Variants in GRIP1 observed in about 807,000 individuals in gnomAD.
The protein encoded by GRIP1 is glutamate receptor interacting protein 1.
A neutral mutation model predicts 129.9 loss-of-function variants in GRIP1; 45 were observed. That is an observed-to-expected ratio of 0.35 (90% CI 0.27 to 0.44). GRIP1 has a LOEUF of 0.44. Among genes scored for constraint, GRIP1 ranks in the 20% least tolerant of loss-of-function variants. The probability of loss-of-function intolerance (pLI) is 1.00; values close to 1 mark genes in which losing one functional copy is unlikely to be tolerated. For missense variants in GRIP1, 1,196 were observed against 1,396.8 expected, an observed-to-expected ratio of 0.86 and a Z score of 2.29; for synonymous variants, 530 against 520.8, an observed-to-expected ratio of 1.02 and a Z score of -0.24.
At chr12:67,063,039 T>C (rs1357537445) in intron 1 of GRIP1, among the ~76,000 whole-genome samples, 1 of 152,220 alleles carries the variant, frequency 6.6e-6, no homozygotes, top group Non-Finnish European at 1.5e-5. Context: ...GGTACTATCA[T>C]ACATTCCTCC....
At chr12:66,663,522 G>A (rs1315480918) in intron 1 of GRIP1, among the ~76,000 whole-genome samples, 1 of 152,146 alleles carries the variant, frequency 6.6e-6, no homozygotes, top group Non-Finnish European at 1.5e-5. Flanking sequence ...TGACAGAATT[G>A]ACTTGAAATG....
chr12:66,498,124 T>G (rs1195929271), intron 7 of GRIP1, among the ~76,000 whole-genome samples: 1 of 152,186 alleles, frequency 6.6e-6, no homozygotes, highest in Non-Finnish European at 1.5e-5. Context: ...CTCCCTTCGC[T>G]GACTCCCTTT....
chr12:66,867,808 T>A (rs2040231658), intron 1 of GRIP1, among the ~76,000 whole-genome samples: 1 of 152,116 alleles, frequency 6.6e-6, no homozygotes, highest in Non-Finnish European at 1.5e-5. Context: ...CAACTTTCTG[T>A]AGGGTTATGA....
intron 15 of GRIP1, among the ~76,000 whole-genome samples, chr12:66,415,712 T>C (rs1023169844): frequency 1.3e-4 from 20 of 152,048 alleles, no homozygotes; most frequent in African/African-American, 4.8e-4. Context: ...AAATGTGATA[T>C]ATATACACAC....
At chr12:66,554,593 G>C (rs1215355890) in intron 2 of GRIP1, among the ~76,000 whole-genome samples, 1 of 152,140 alleles carries the variant, frequency 6.6e-6, no homozygotes, top group Admixed American at 6.5e-5. Context: ...TGGGCCATTG[G>C]GGTTCCCATT....
chr12:66,866,911 C>T (rs61928294), intron 1 of GRIP1, among the ~76,000 whole-genome samples: 39,565 of 151,860 alleles, frequency 0.26, 5,422 homozygotes, highest in East Asian at 0.48. Flanking sequence ...AATATCATGT[C>T]GTACACAGTA....
chr12:66,413,262 A>T (rs1230303294), intron 15 of GRIP1, among the ~76,000 whole-genome samples: 1 of 152,178 alleles, frequency 6.6e-6, no homozygotes. Flanking sequence ...AGTCTCTCAG[A>T]CCACAGCACA....
At chr12:66,913,770 G>A (rs2041071728) in intron 1 of GRIP1, among the ~76,000 whole-genome samples, 1 of 152,212 alleles carries the variant, frequency 6.6e-6, no homozygotes, top group African/African-American at 2.4e-5. Context: ...GGTCAATCAA[G>A]TCATAAATCT....
chr12:66,891,349 C>T (rs2040654888), intron 1 of GRIP1, among the ~76,000 whole-genome samples: 1 of 152,118 alleles, frequency 6.6e-6, no homozygotes. Context: ...GTATCAAGAA[C>T]CTAGCAGAGC....
At chr12:67,005,527 A>T (rs2042613737) in intron 1 of GRIP1, among the ~76,000 whole-genome samples, 1 of 152,216 alleles carries the variant, frequency 6.6e-6, no homozygotes, top group South Asian at 2.1e-4. Context: ...TTTGCATAGA[A>T]ATTTTATAGT....
intron 1 of GRIP1, among the ~76,000 whole-genome samples, chr12:67,046,158 C>T (rs1347684984): frequency 6.6e-6 from 1 of 152,172 alleles, no homozygotes; most frequent in Non-Finnish European, 1.5e-5. Context: ...CCCCACTTCC[C>T]GACTGAGTTC....
chr12:66,531,241 AAAAAAAAAAAAATATATATATATATATAT>A (rs1453846318), intron 4 of GRIP1, among the ~76,000 whole-genome samples: 2 of 35,942 alleles, frequency 5.6e-5, no homozygotes, highest in South Asian at 1.2e-3. Flanking sequence ...GTCTCAAAAA[AAAAAAAAAAAAATATATATATATATATAT>A]ATATATATAT....
At chr12:67,044,757 T>C (rs936501305) in intron 1 of GRIP1, among the ~76,000 whole-genome samples, 3 of 152,152 alleles carry the variant, frequency 2.0e-5, no homozygotes, top group Non-Finnish European at 4.4e-5. Context: ...CTGTTCTACA[T>C]TAAAAAAAAT....
intron 1 of GRIP1, among the ~76,000 whole-genome samples, chr12:66,831,476 A>G (rs561378931): frequency 2.0e-5 from 3 of 152,328 alleles, no homozygotes; most frequent in East Asian, 1.9e-4. Context: ...TCCAAATGTC[A>G]TATGTTGGCC....
At chr12:66,791,501 A>T (rs1443563822) in intron 1 of GRIP1, among the ~76,000 whole-genome samples, 1 of 152,124 alleles carries the variant, frequency 6.6e-6, no homozygotes, top group Non-Finnish European at 1.5e-5. Flanking sequence ...CAGTAATGTC[A>T]GTAGCAGGAG....
At chr12:66,855,308 T>C (rs1183949267) in intron 1 of GRIP1, among the ~76,000 whole-genome samples, 1 of 152,078 alleles carries the variant, frequency 6.6e-6, no homozygotes, top group African/African-American at 2.4e-5. Flanking sequence ...CTTCAGAGTG[T>C]TATAGCTGGA....
intron 20 of GRIP1, among the ~76,000 whole-genome samples, chr12:66,378,607 C>A (rs536872719): frequency 6.6e-6 from 1 of 151,238 alleles, no homozygotes; most frequent in Non-Finnish European, 1.5e-5. Flanking sequence ...ATTAGCCAGG[C>A]GTGGTGGTGC....
At chr12:66,550,746 G>A (rs2062098343) in intron 2 of GRIP1, among the ~76,000 whole-genome samples, 2 of 152,206 alleles carry the variant, frequency 1.3e-5, no homozygotes, top group Admixed American at 6.5e-5. Flanking sequence ...TATCAGTCAC[G>A]TATTCCTACA....
At chr12:66,603,358 T>C in intron 1 of GRIP1, among the ~76,000 whole-genome samples, 1 of 152,192 alleles carries the variant, frequency 6.6e-6, no homozygotes, top group East Asian at 1.9e-4. Context: ...TAGGCCTGTG[T>C]TATAAGATCA....
Sources: gnomAD v4.1 joint callset for allele counts (sites outside exome capture counted in the v4.1 genomes callset) on GRCh38, gnomAD v4.1.1 for gene constraint, MANE v1.5 for transcripts, NCBI Gene and HGNC (gene_info 2026-07-23, HGNC 2026-07-21) for gene names.